Variants in COLEC12 observed in about 807,000 individuals in gnomAD.
The protein encoded by COLEC12 is collectin subfamily member 12, also known as collectin-12.
COLEC12 carries 33 observed loss-of-function variants against 71.1 expected under a neutral mutation model. The ratio of observed to expected loss-of-function variants is 0.46; its 90% CI spans 0.35 to 0.62. The LOEUF (loss-of-function observed/expected upper bound fraction) is 0.62. Among genes scored for constraint, COLEC12 ranks in the 20% least tolerant of loss-of-function variants. The probability of loss-of-function intolerance (pLI) is 0.00; values close to 1 mark genes in which losing one functional copy is unlikely to be tolerated. For synonymous variants in COLEC12, 350 were observed against 353.0 expected, an observed-to-expected ratio of 0.99 and a Z score of 0.10; for missense variants, 765 against 916.1, an observed-to-expected ratio of 0.84 and a Z score of 2.13.
At chr18:436,745 G>A (rs192852251) in intron 2 of COLEC12, among the ~76,000 whole-genome samples, 1 of 151,990 alleles carries the variant, frequency 6.6e-6, no homozygotes, top group Admixed American at 6.6e-5. Flanking sequence ...AGTGATGGAA[G>A]GGTTGGGTAT....
intron 1 of COLEC12, among the ~76,000 whole-genome samples, chr18:493,177 G>A (rs1335459696): frequency 6.6e-6 from 1 of 152,062 alleles, no homozygotes; most frequent in East Asian, 1.9e-4. Flanking sequence ...ACTGCTCAAG[G>A]GATCCTCCCA....
At chr18:357,639 T>C (rs754688570) in intron 2 of COLEC12, 117 bp from the exon 3 acceptor site, 3 of 761,282 alleles carry the variant, frequency 3.9e-6, no homozygotes, top group Non-Finnish European at 6.2e-6. Context: ...TGCCTTACTA[T>C]ACTATGAGAA....
chr18:322,142 G>A, intron 8 of COLEC12, among the ~76,000 whole-genome samples: 1 of 142,884 alleles, frequency 7.0e-6, no homozygotes, highest in Non-Finnish European at 1.6e-5. Flanking sequence ...GCTGACTTCT[G>A]GGCATGAGTG....
chr18:442,433 T>A (rs946162438), intron 2 of COLEC12, among the ~76,000 whole-genome samples: 1 of 152,168 alleles, frequency 6.6e-6, no homozygotes, highest in Non-Finnish European at 1.5e-5. Context: ...AGAAAACCCA[T>A]GCTGATGCGT....
intron 2 of COLEC12, among the ~76,000 whole-genome samples, chr18:409,533 TAAAAG>T (rs1308214306): frequency 1.3e-5 from 2 of 152,100 alleles, no homozygotes; most frequent in African/African-American, 4.8e-5. Context: ...CTCAAAAAAA[TAAAAG>T]AAATGTCTAC....
chr18:361,019 T>A (rs1194328123), intron 2 of COLEC12, among the ~76,000 whole-genome samples: 1 of 152,116 alleles, frequency 6.6e-6, no homozygotes, highest in East Asian at 1.9e-4. Context: ...ACTATTTCTA[T>A]CCCAATCCCT....
intron 2 of COLEC12, among the ~76,000 whole-genome samples, chr18:416,907 A>C (rs896330756): frequency 6.6e-6 from 1 of 152,044 alleles, no homozygotes; most frequent in Non-Finnish European, 1.5e-5. Flanking sequence ...GGAAGAAGGA[A>C]GGGAAGGGCA....
intron 2 of COLEC12, among the ~76,000 whole-genome samples, chr18:422,523 A>G (rs1940430): frequency 0.68 from 103,668 of 152,048 alleles, 36,244 homozygotes; most frequent in East Asian, 1. Context: ...ATACTCATTA[A>G]AAGAAAAATT....
At chr18:401,960 A>C (rs1180838556) in intron 2 of COLEC12, among the ~76,000 whole-genome samples, 1 of 152,212 alleles carries the variant, frequency 6.6e-6, no homozygotes, top group Non-Finnish European at 1.5e-5. Context: ...ACTTTAAGAC[A>C]GCAGAAAACG....
chr18:445,001 A>G (rs1444252344), intron 2 of COLEC12, among the ~76,000 whole-genome samples: 2 of 152,208 alleles, frequency 1.3e-5, no homozygotes, highest in Admixed American at 6.5e-5. Context: ...TTATTTTTAA[A>G]CGAAGGTCAA....
rs547350993 is a variant in COLEC12 at position 368,657 on chromosome 18, G to T, written c.59-11135C>A. On this transcript the variant is annotated intron_variant, in intron 2 of 9. Transcript: ENST00000400256. ...AGGTGGGCGGATCATGAGGTCAGGA[G>T]ATCGAGACCAGCCTGGCTAACATGG... 2.2e-4 allele frequency among the ~76,000 whole-genome samples: 34 copies of T among 152,192 alleles called. No homozygotes were observed. In the South Asian group the frequency reaches 2.7e-3, roughly 12 times the overall value.
intron 1 of COLEC12, among the ~76,000 whole-genome samples, chr18:499,974 G>A (rs1917787806): frequency 6.6e-6 from 1 of 152,230 alleles, no homozygotes; most frequent in Admixed American, 6.5e-5. Context: ...CACTTCCCGA[G>A]CCAGCTGAAC....
intron 2 of COLEC12, among the ~76,000 whole-genome samples, chr18:464,527 T>A (rs1388734416): frequency 6.6e-6 from 1 of 152,204 alleles, no homozygotes; most frequent in Non-Finnish European, 1.5e-5. Context: ...TAAACAGTCA[T>A]CCCTCTTTAC....
In COLEC12 at chr18:395,871, A is replaced by G. The variant is rs984914724; in HGVS notation, c.59-38349T>C. On this transcript the variant is annotated intron_variant, in intron 2 of 9. Coordinates refer to ENST00000400256, the MANE Select transcript of COLEC12 (RefSeq NM_130386.3). ...AAAGCACATGTCACATCTGCTTGCT[A>G]TCAGCATTTATCTCGCAGCGTGCGT... is the stretch of plus-strand genomic sequence containing the variant. 9.2e-5 allele frequency among the ~76,000 whole-genome samples: 14 copies of G among 152,170 alleles called. 1 individual carries two copies. Among genetic ancestry groups the G allele is most frequent in the African/African-American group, 3.4e-4 (14 of 41,432 alleles).
chr18:395,149 TGGAAGAATG>T (rs1915542948), intron 2 of COLEC12, among the ~76,000 whole-genome samples: 1 of 152,116 alleles, frequency 6.6e-6, no homozygotes, highest in African/African-American at 2.4e-5. Flanking sequence ...AAGCCAAGTG[TGGAAGAATG>T]CAGCAGAAAT....
In COLEC12 at chr18:327,828, C is replaced by T. The variant is rs148869272; in HGVS notation, c.2063+3840G>A. 5.5e-4 allele frequency among the ~76,000 whole-genome samples: 83 copies of T among 152,280 alleles called. No individual in the cohort carries two copies. Among genetic ancestry groups the T allele is most frequent in the Non-Finnish European group, 1.0e-3 (68 of 68,022 alleles). ...AGGGATGGGACGGTGCCAGGCCCAT[C>T]GGCTTCTATTTTTTGGAAGAGTTTA... On this transcript the variant is annotated intron_variant, in intron 8 of 9. Coordinates refer to ENST00000400256, the MANE Select transcript of COLEC12 (RefSeq NM_130386.3). This position sits in a 1 kb window ranked among gnomAD's most constrained non-coding sequence, Gnocchi z 4.0.
At chr18:326,569 G>T (rs977712818) in intron 8 of COLEC12, among the ~76,000 whole-genome samples, 1 of 152,172 alleles carries the variant, frequency 6.6e-6, no homozygotes, top group Non-Finnish European at 1.5e-5. Context: ...GGATGGTCTC[G>T]AACTCTTGGC....
In COLEC12 at chr18:377,465, G is replaced by A. The variant is rs888131566; in HGVS notation, c.59-19943C>T. ...GCGCTGGGATATGCCAGTTACAGGC[G>A]TATCCCCTGCAATCTGCGGTGTCTT... On this transcript the variant is annotated intron_variant, in intron 2 of 9. Coordinates refer to ENST00000400256, the MANE Select transcript of COLEC12 (RefSeq NM_130386.3). Among the ~76,000 whole-genome samples the A allele has an allele frequency of 1.1e-4, 17 of 152,296 alleles. No individual in the cohort carries two copies. The East Asian group carries it at 1.2e-3, about 10-fold the overall frequency.
chr18:483,221 G>A lies in COLEC12; in HGVS notation c.8-2464C>T, dbSNP rs1449590854. Among the ~76,000 whole-genome samples, 5 of 151,870 alleles carry A rather than the reference G, an allele frequency of 3.3e-5. No homozygotes were observed. The East Asian group carries it at 5.9e-4, about 18-fold the overall frequency. ...TTGAGGCCAGCCTGGCCAACATGGCGAAACCCCATCTCTACTAAAAATATA... is the reference window on the plus strand; with the variant it reads ...TTGAGGCCAGCCTGGCCAACATGGCAAAACCCCATCTCTACTAAAAATATA... On this transcript the variant is annotated intron_variant, in intron 1 of 9. Transcript: ENST00000400256.
Sources: gnomAD v4.1 joint callset for allele counts (sites outside exome capture counted in the v4.1 genomes callset) on GRCh38, gnomAD v4.1.1 for gene constraint, Gnocchi (gnomAD v3.1) non-coding constraint, MANE v1.5 for transcripts, NCBI Gene and HGNC (gene_info 2026-07-23, HGNC 2026-07-21) for gene names.